NBPF20: variants seen among roughly 807,000 people sequenced by gnomAD.
NBPF20 encodes NBPF family member NBPF20.
A neutral mutation model predicts 68.1 loss-of-function variants in NBPF20; 90 were observed. The observed-to-expected ratio is 1.32, with a 90% confidence interval of 1.11 to 1.58. NBPF20 has a LOEUF of 1.58. Ranked by LOEUF, NBPF20 falls within the 40% of genes most tolerant of loss-of-function variation. The pLI, the probability that NBPF20 is intolerant of heterozygous loss-of-function variation, is 0.00. For missense variants in NBPF20, 816 were observed against 601.2 expected, an observed-to-expected ratio of 1.36 and a Z score of -3.74; for synonymous variants, 290 against 228.1, an observed-to-expected ratio of 1.27 and a Z score of -2.45.
At chr1:145,412,271 C>A in the NBPF20 span, among the ~76,000 whole-genome samples, 1 of 151,976 alleles carries the variant, frequency 6.6e-6, no homozygotes, top group Non-Finnish European at 1.5e-5. Context: ...TTTTTGGAAG[C>A]ATGTATCCTA....
chr1:145,407,630 A>T (rs1662861662), upstream of NBPF20: 1 of 150,638 alleles, frequency 6.6e-6, no homozygotes, highest in Non-Finnish European at 1.5e-5. Context: ...AGCGAGGGCT[A>T]CTGCACAGCT....
At chr1:145,410,624 C>A in the NBPF20 span, among the ~76,000 whole-genome samples, 1 of 150,152 alleles carries the variant, frequency 6.7e-6, no homozygotes, top group Non-Finnish European at 1.5e-5. Context: ...CATGTATCTT[C>A]TTTTCTGAAG....
At chr1:145,292,226 C>A (rs781905594) in intron 137 of NBPF20, among the ~76,000 whole-genome samples, 155 bp downstream of exon 142, 1 of 149,108 alleles carries the variant, frequency 6.7e-6, no homozygotes, top group Non-Finnish European at 1.5e-5. Flanking sequence ...GAAATGGAAA[C>A]CTAAACATCT....
At chr1:145,394,011 C>T in intron 8 of NBPF20, 76 bp from the exon 14 acceptor site, 5 of 821,452 alleles carry the variant, frequency 6.1e-6, no homozygotes, top group East Asian at 2.4e-5. Context: ...TCTGTCCAAT[C>T]CTAACACAGG....
At chr1:145,393,637 T>G (rs1553662832) in intron 9 of NBPF20, 33 of 950,622 alleles carry the variant, frequency 3.5e-5, no homozygotes, top group East Asian at 5.2e-5. Flanking sequence ...CAAGTTTCCC[T>G]GCAGTTACCA....
chr1:145,341,093 G>C (rs1227455413), intron 75 of NBPF20, among the ~76,000 whole-genome samples, 154 bp from the exon 81 acceptor site: 1 of 79,736 alleles, frequency 1.3e-5, no homozygotes, highest in Non-Finnish European at 3.0e-5. Context: ...TGTTGGGATA[G>C]AACAGGGCCA....
intron 9 of NBPF20, chr1:145,393,602 T>G (rs1292984370): frequency 1.3e-5 from 9 of 669,926 alleles, no homozygotes; most frequent in Non-Finnish European, 2.3e-5. Flanking sequence ...AAGCATGTCC[T>G]CAATAATTTT....
intron 137 of NBPF20, 119 bp downstream of exon 142, chr1:145,292,262 A>C: frequency 3.2e-6 from 2 of 618,158 alleles, no homozygotes; most frequent in Non-Finnish European, 5.6e-6. Flanking sequence ...AACAGCAATG[A>C]CAGTAGGAGT....
the NBPF20 span, among the ~76,000 whole-genome samples, chr1:145,411,034 A>G: frequency 6.8e-6 from 1 of 146,666 alleles, no homozygotes; most frequent in Non-Finnish European, 1.5e-5. Flanking sequence ...AACAAAACAC[A>G]TAATCTTGAT....
At chr1:145,394,902 G>A (rs1444486422) in intron 8 of NBPF20, 76 bp downstream of exon 13, 2 of 1,498,278 alleles carry the variant, frequency 1.3e-6, no homozygotes, top group Non-Finnish European at 1.9e-6. Flanking sequence ...CCAACAAGGG[G>A]CACAAGGCCC....
At chr1:145,403,914 A>G (rs1264147086) in intron 2 of NBPF20, among the ~76,000 whole-genome samples, 2 of 151,574 alleles carry the variant, frequency 1.3e-5, no homozygotes, top group African/African-American at 2.4e-5. Context: ...TAGAAACAGC[A>G]GAATGAAGAA....
chr1:145,422,662 G>A, the NBPF20 span, among the ~76,000 whole-genome samples: 14 of 152,244 alleles, frequency 9.2e-5, no homozygotes, highest in South Asian at 2.5e-3. Flanking sequence ...TCAATAAATG[G>A]TGCTGGATCA....
chr1:145,398,137 C>T (rs1280772190), intron 7 of NBPF20, among the ~76,000 whole-genome samples: 2 of 151,982 alleles, frequency 1.3e-5, no homozygotes, highest in African/African-American at 2.4e-5. Flanking sequence ...TCATGGGAGA[C>T]TTTAACACCC....
intron 119 of NBPF20, among the ~76,000 whole-genome samples, chr1:145,306,329 C>G (rs1322210065): frequency 1.4e-5 from 2 of 147,698 alleles, no homozygotes; most frequent in Non-Finnish European, 3.0e-5. Context: ...AGAGAGAGAA[C>G]GAGCTCAGTG....
chr1:145,393,770 T>C, intron 9 of NBPF20, 114 bp downstream of exon 14: 1 of 1,489,132 alleles, frequency 6.7e-7, no homozygotes, highest in Non-Finnish European at 9.2e-7. Context: ...GTAGGCATAA[T>C]TCAGACTTGT....
the NBPF20 span, among the ~76,000 whole-genome samples, chr1:145,415,246 G>T: frequency 4.6e-5 from 7 of 151,710 alleles, no homozygotes; most frequent in African/African-American, 1.7e-4. Flanking sequence ...CTGCCAGCAT[G>T]TCCCACCTCC....
rs113737426 is a variant in NBPF20, at chr1:145,291,603, C to T, written c.16864G>A (p.Val5622Met). Residue 5622 changes from valine to methionine, a missense_variant, in exon 138 of 138, where the codon GTG (valine) becomes ATG (methionine). Physicochemically the swap from Val to Met is conservative, Grantham distance 21 (BLOSUM62 1). Transcript: ENST00000369373. ...GTCAAAGTAAAAAACCTATTGTCCA[C>T]GTAAAGGGCGAAGCTGATGTGCTGT... 90 of 1,611,812 alleles carry T rather than the reference C, an allele frequency of 5.6e-5. 1 individual carries two copies. The highest frequency in any genetic ancestry group is 3.2e-4 in the Admixed American group (19 of 60,000).
At chr1:145,400,495 C>T (rs1662469827) in exon 6 of NBPF20, 3 of 1,612,850 alleles carry the variant, frequency 1.9e-6, no homozygotes, top group Non-Finnish European at 2.5e-6. Context: ...TCCTATGTGG[C>T]TGGTTGGAGT....
chr1:145,393,781 C>G (rs1662065478), intron 9 of NBPF20, 103 bp downstream of exon 14: 14 of 1,432,696 alleles, frequency 9.8e-6, no homozygotes, highest in African/African-American at 8.4e-5. Flanking sequence ...TCAGACTTGT[C>G]TGACAAGACA....
Sources: gnomAD v4.1 joint callset for allele counts (sites outside exome capture counted in the v4.1 genomes callset) on GRCh38, gnomAD v4.1.1 for gene constraint, MANE v1.5 for transcripts, NCBI Gene and HGNC (gene_info 2026-07-23, HGNC 2026-07-21) for gene names.